The following NEK10 variants were observed in gnomAD, a reference collection of about 807,000 sequenced individuals.
NEK10 encodes NIMA related kinase 10.
NEK10 carries 122 observed loss-of-function variants against 159.8 expected under a neutral mutation model. That is an observed-to-expected ratio of 0.76 (90% confidence interval 0.66 to 0.89). The LOEUF is 0.89. Ranked by LOEUF, NEK10 falls within the 40% of genes least tolerant of loss-of-function variation. NEK10 has a pLI of 0.00. For synonymous variants in NEK10, 466 were observed against 457.1 expected (o/e 1.02, Z -0.25); for missense variants, 1,342 against 1,323.1 (o/e 1.01, Z -0.22).
At chr3:27,172,104 C>T (rs912369257) in intron 28 of NEK10, among the ~76,000 whole-genome samples, 3 of 151,628 alleles carry the variant, frequency 2.0e-5, no homozygotes, top group Non-Finnish European at 2.9e-5. Flanking sequence ...TTTGTGAGGC[C>T]GAGGTAGATG....
intron 10 of NEK10, among the ~76,000 whole-genome samples, 179 bp from the exon 11 acceptor site, chr3:27,308,124 T>C (rs1246331393): frequency 2.0e-5 from 3 of 152,176 alleles, no homozygotes; most frequent in African/African-American, 7.2e-5. Context: ...ACAGTCATGG[T>C]GGAAGATAAA....
intron 1 of NEK10, among the ~76,000 whole-genome samples, chr3:27,355,578 T>C (rs997841072): frequency 1.3e-5 from 2 of 152,030 alleles, no homozygotes; most frequent in Admixed American, 1.3e-4. Context: ...TAGTTAGCTT[T>C]CCCTTCTTTC....
At chr3:27,202,342 T>C (rs1196516126) in intron 24 of NEK10, 86 bp downstream of exon 24, 8 of 1,340,256 alleles carry the variant, frequency 6.0e-6, no homozygotes, top group Non-Finnish European at 5.1e-6. Flanking sequence ...TGGGCAGTTA[T>C]ATACAAATCA....
intron 8 of NEK10, 196 bp from the exon 9 acceptor site, chr3:27,311,212 A>C: frequency 7.0e-6 from 3 of 426,268 alleles, no homozygotes; most frequent in Non-Finnish European, 1.2e-5. Context: ...ACTGGTATTT[A>C]TTTTCTAATA....
intron 32 of NEK10, 77 bp from the exon 33 acceptor site, chr3:27,119,945 T>C: frequency 9.7e-7 from 1 of 1,030,690 alleles, no homozygotes. Context: ...GTGGGGTTTT[T>C]CATTTCCCTA....
intron 23 of NEK10, among the ~76,000 whole-genome samples, chr3:27,210,648 T>G (rs758274304): frequency 2.4e-4 from 36 of 152,216 alleles, no homozygotes; most frequent in Non-Finnish European, 4.7e-4. Context: ...CATCTGGCCT[T>G]TCCTGAGTTT....
At position 27,230,729 on chromosome 3, in the gene NEK10, G is replaced by A. The variant is rs971041383; in HGVS notation, c.2090+25567C>T. On this transcript the variant is annotated intron_variant, in intron 23 of 35. Coordinates refer to ENST00000691995, the MANE Select transcript of NEK10 (RefSeq NM_001394966.1). ...CAAGCAGGAATAGCAATTCTTATAT[G>A]AGACAAAACAGACTTTAAAGCAACA... Among the ~76,000 whole-genome samples the A allele has an allele frequency of 2.0e-5, 3 of 152,030 alleles. 1 individual carries two copies. The South Asian group carries it at 6.2e-4, about 31-fold the overall frequency.
intron 12 of NEK10, among the ~76,000 whole-genome samples, chr3:27,304,386 T>C (rs1291483228): frequency 6.6e-6 from 1 of 152,150 alleles, no homozygotes; most frequent in East Asian, 1.9e-4. Flanking sequence ...AATGACAAAA[T>C]GCATATACTA....
At chr3:27,251,770 G>T (rs905875910) in intron 23 of NEK10, among the ~76,000 whole-genome samples, 7 of 152,272 alleles carry the variant, frequency 4.6e-5, no homozygotes, top group African/African-American at 9.6e-5. Flanking sequence ...ACATATTTCT[G>T]TAATATATAA....
intron 23 of NEK10, chr3:27,206,662 C>T: frequency 1.0e-6 from 1 of 983,626 alleles, no homozygotes; most frequent in Non-Finnish European, 1.2e-6. Context: ...TCTTCAAGCC[C>T]CTCAAGTGCG....
chr3:27,182,879 G>A (rs558461140), intron 26 of NEK10, among the ~76,000 whole-genome samples: 2 of 152,010 alleles, frequency 1.3e-5, no homozygotes, highest in African/African-American at 4.8e-5. Flanking sequence ...AAAAAGTATC[G>A]AATTCATGGA....
intron 9 of NEK10, 90 bp from the exon 10 acceptor site, chr3:27,309,095 C>A: frequency 1.5e-6 from 1 of 660,976 alleles, no homozygotes; most frequent in Non-Finnish European, 2.6e-6. Context: ...CCATTACCAG[C>A]TGCTTGAATG....
intron 29 of NEK10, among the ~76,000 whole-genome samples, chr3:27,167,315 A>T (rs1331764597): frequency 6.6e-6 from 1 of 152,192 alleles, no homozygotes; most frequent in African/African-American, 2.4e-5. Context: ...GTAGGTTGGT[A>T]CCTATGTGCA....
chr3:27,152,856 T>G (rs1945022532), intron 30 of NEK10, among the ~76,000 whole-genome samples: 1 of 152,110 alleles, frequency 6.6e-6, no homozygotes, highest in Admixed American at 6.5e-5. Context: ...GTGAGCAAGG[T>G]AGCTATTCTT....
intron 26 of NEK10, among the ~76,000 whole-genome samples, chr3:27,186,381 G>C (rs553997244): frequency 1.2e-4 from 19 of 152,340 alleles, no homozygotes; most frequent in South Asian, 2.1e-4. Context: ...ATAGATGCAA[G>C]GGTAGCTTCT....
chr3:27,332,490 A>G (rs2046489133), intron 5 of NEK10, among the ~76,000 whole-genome samples: 1 of 152,228 alleles, frequency 6.6e-6, no homozygotes, highest in South Asian at 2.1e-4. Flanking sequence ...CTTCATTGTC[A>G]GGTGACCTAT....
At position 27,111,191 on chromosome 3, in the gene NEK10, C is replaced by G; in HGVS notation, c.*81G>C. On this transcript the variant is annotated 3_prime_UTR_variant, in exon 36 of 36. Transcript: ENST00000691995. ...CCACACCCTCTAGCAGCACCCAATC[C>G]TTGGGCATCTTGCAATAGCGGCTGA... The G allele has an allele frequency of 7.4e-7, 1 of 1,352,134 alleles. No homozygotes were observed. 83.8% of individuals were successfully genotyped at this position (1,352,134 alleles called of 1,614,324 possible). A position where few individuals can be genotyped will look rare whatever the true frequency, so the allele number is the denominator to read the frequency against.
chr3:27,318,874 T>C (rs1257069346), intron 6 of NEK10, among the ~76,000 whole-genome samples: 1 of 151,348 alleles, frequency 6.6e-6, no homozygotes, highest in Non-Finnish European at 1.5e-5. Context: ...AACAAAAAGA[T>C]AGTTGAAGCC....
At chr3:27,282,571 T>TTATATATA (rs371647398) in intron 22 of NEK10, among the ~76,000 whole-genome samples, 100 of 43,110 alleles carry the variant, frequency 2.3e-3, no homozygotes, top group African/African-American at 8.4e-3. Flanking sequence ...CATAACTGTG[T>TTATATATA]TATATATATA....
Sources: gnomAD v4.1 joint callset for allele counts (sites outside exome capture counted in the v4.1 genomes callset) on GRCh38, gnomAD v4.1.1 for gene constraint, MANE v1.5 for transcripts, NCBI Gene and HGNC (gene_info 2026-07-23, HGNC 2026-07-21) for gene names.